The following HSD17B12 variants were observed in gnomAD, a reference collection of about 807,000 sequenced individuals.
HSD17B12 encodes the protein very-long-chain 3-oxoacyl-CoA reductase.
A neutral mutation model predicts 39.3 loss-of-function variants in HSD17B12; 32 were observed. The observed-to-expected ratio is 0.81, with a 90% CI of 0.61 to 1.09. HSD17B12 has a LOEUF of 1.09. Ranked by LOEUF, HSD17B12 falls within the 50% of genes least tolerant of loss-of-function variation. The pLI, the probability that HSD17B12 is intolerant of heterozygous loss-of-function variation, is 0.00. For synonymous variants in HSD17B12, 150 were observed against 146.7 expected, an observed-to-expected ratio of 1.02 and a Z score of -0.16; for missense variants, 342 against 382.9, an observed-to-expected ratio of 0.89 and a Z score of 0.89.
intron 9 of HSD17B12, among the ~76,000 whole-genome samples, chr11:43,845,636 G>A (rs997424221): frequency 3.3e-5 from 5 of 151,984 alleles, no homozygotes; most frequent in African/African-American, 7.3e-5. Context: ...TATGCTTTCC[G>A]GGCCAAAATA....
In HSD17B12 at chr11:43,815,492, C is replaced by A; in HGVS notation, c.447C>A (p.Asp149Glu). The change falls in exon 5 of 11, where the codon GAC becomes GAA. Residue 149 changes from aspartate (D) to glutamate (E), a missense_variant. Transcript: ENST00000278353. Reference protein sequence around the residue: ...EYPEYFLDVPDLDNVIKKMIN... With the variant: ...EYPEYFLDVPELDNVIKKMIN... ...CTGAATACTTTTTGGATGTTCCTGACTTGGACAATGTAAGTCTTTCTTTGT... is the reference window on the plus strand; with the variant it reads ...CTGAATACTTTTTGGATGTTCCTGAATTGGACAATGTAAGTCTTTCTTTGT... 1 of 1,567,824 alleles carries A rather than the reference C, an allele frequency of 6.4e-7. No individual in the cohort carries two copies. The highest frequency in any genetic ancestry group is 8.7e-7 in the Non-Finnish European group (1 of 1,147,256).
chr11:43,792,803 G>A (rs141892899), intron 3 of HSD17B12, among the ~76,000 whole-genome samples: 138 of 150,372 alleles, frequency 9.2e-4, no homozygotes, highest in African/African-American at 3.3e-3. Context: ...TACTACAGGC[G>A]TGCACCACCA....
At chr11:43,655,175 T>G in the HSD17B12 span, among the ~76,000 whole-genome samples, 7 of 152,334 alleles carry the variant, frequency 4.6e-5, no homozygotes, top group South Asian at 2.1e-4. Context: ...CAATTGTGAT[T>G]GGGAGTTCAC....
chr11:43,672,110 A>G, the HSD17B12 span, among the ~76,000 whole-genome samples: 2 of 151,986 alleles, frequency 1.3e-5, no homozygotes, highest in Admixed American at 1.3e-4. Context: ...GTGCAGTGGC[A>G]TGATCTCGGC....
At chr11:43,709,146 G>A (rs1051049477) in intron 1 of HSD17B12, among the ~76,000 whole-genome samples, 2 of 151,132 alleles carry the variant, frequency 1.3e-5, no homozygotes, top group Admixed American at 6.6e-5. Flanking sequence ...TTTTTTTTGA[G>A]ACAGAGCCTT....
intron 9 of HSD17B12, chr11:43,853,133 C>G (rs1369187386): frequency 6.6e-6 from 1 of 152,110 alleles, no homozygotes; most frequent in Non-Finnish European, 1.5e-5. Flanking sequence ...GTCAGGAGAT[C>G]GAGACCATCC....
At chr11:43,592,718 T>C in the HSD17B12 span, among the ~76,000 whole-genome samples, 1 of 152,204 alleles carries the variant, frequency 6.6e-6, no homozygotes, top group South Asian at 2.1e-4. Flanking sequence ...CCATCCTTCC[T>C]GTTGACTGTT....
At chr11:43,579,606 T>C in the HSD17B12 span, 1 of 151,940 alleles carries the variant, frequency 6.6e-6, no homozygotes, top group East Asian at 2.0e-4. Flanking sequence ...GAGCAGAACT[T>C]TTTTTTCCCA....
At chr11:43,624,867 C>T in the HSD17B12 span, among the ~76,000 whole-genome samples, 1 of 151,780 alleles carries the variant, frequency 6.6e-6, no homozygotes, top group African/African-American at 2.4e-5. Flanking sequence ...GAAATTACTA[C>T]TGCCAAGGCC....
chr11:43,598,494 G>C, the HSD17B12 span, among the ~76,000 whole-genome samples: 1 of 151,962 alleles, frequency 6.6e-6, no homozygotes, highest in Non-Finnish European at 1.5e-5. Flanking sequence ...GTGCCCATAG[G>C]AAAGTATCTT....
At chr11:43,637,984 T>G in the HSD17B12 span, among the ~76,000 whole-genome samples, 2 of 152,080 alleles carry the variant, frequency 1.3e-5, no homozygotes, top group African/African-American at 4.8e-5. Context: ...CAAGGGTAGA[T>G]CTGCCTCTGT....
the HSD17B12 span, among the ~76,000 whole-genome samples, chr11:43,631,323 T>G: frequency 2.0e-5 from 3 of 152,304 alleles, no homozygotes; most frequent in African/African-American, 7.2e-5. Context: ...AAGTATTTAA[T>G]AAGAGAGCTC....
intron 3 of HSD17B12, among the ~76,000 whole-genome samples, chr11:43,794,856 A>G (rs1489126430): frequency 1.3e-5 from 2 of 152,158 alleles, no homozygotes; most frequent in African/African-American, 4.8e-5. Flanking sequence ...ATTTTAACTT[A>G]TTTCAACTCC....
At chr11:43,642,797 A>G in the HSD17B12 span, among the ~76,000 whole-genome samples, 12 of 151,946 alleles carry the variant, frequency 7.9e-5, no homozygotes, top group African/African-American at 2.4e-4. Flanking sequence ...ATCTTGGTAT[A>G]TGGCATTTGT....
At chr11:43,793,656 G>A (rs565738345) in intron 3 of HSD17B12, among the ~76,000 whole-genome samples, 1 of 152,326 alleles carries the variant, frequency 6.6e-6, no homozygotes, top group South Asian at 2.1e-4. Flanking sequence ...CTAAAAATGT[G>A]TGAGTTTTAA....
the HSD17B12 span, among the ~76,000 whole-genome samples, chr11:43,616,984 A>G: frequency 6.6e-6 from 1 of 151,636 alleles, no homozygotes. Flanking sequence ...ATTAAAAAAA[A>G]AAAAAAAAGA....
intron 1 of HSD17B12, among the ~76,000 whole-genome samples, chr11:43,717,900 G>A (rs975320299): frequency 7.3e-5 from 11 of 151,506 alleles, no homozygotes; most frequent in Admixed American, 7.2e-4. Context: ...CACATCCTGG[G>A]TTTAAGCAAT....
intron 3 of HSD17B12, among the ~76,000 whole-genome samples, chr11:43,765,625 C>T (rs1950588690): frequency 6.6e-6 from 1 of 152,096 alleles, no homozygotes; most frequent in African/African-American, 2.4e-5. Flanking sequence ...ATTAAGTTGT[C>T]TTAACCCACT....
chr11:43,761,891 C>T (rs1950558185), intron 3 of HSD17B12, among the ~76,000 whole-genome samples: 1 of 152,038 alleles, frequency 6.6e-6, no homozygotes, highest in Admixed American at 6.5e-5. Context: ...TCAAAGCAGT[C>T]ATGAATCTGC....
Sources: allele counts gnomAD v4.1 joint callset (sites outside exome capture counted in the v4.1 genomes callset), GRCh38; gene constraint gnomAD v4.1.1; transcripts MANE v1.5; gene names NCBI Gene and HGNC (gene_info 2026-07-23, HGNC 2026-07-21).